Variants in TBC1D22A observed in about 807,000 individuals in gnomAD.
TBC1D22A encodes the protein putative GTPase activator.
TBC1D22A carries 38 observed loss-of-function variants against 60.2 expected under a neutral mutation model. The observed-to-expected ratio is 0.63, with a 90% CI of 0.49 to 0.83. The LOEUF (loss-of-function observed/expected upper bound fraction) is 0.83, where lower values mean the gene tolerates loss of function less well. Ranked by LOEUF, TBC1D22A falls within the 40% of genes least tolerant of loss-of-function variation. TBC1D22A has a pLI of 0.00. For missense variants in TBC1D22A, 628 were observed against 701.0 expected (o/e 0.90, Z 1.18); for synonymous variants, 302 against 281.7 (o/e 1.07, Z -0.72).
At chr22:47,172,221 G>A (rs764037479) in intron 12 of TBC1D22A, among the ~76,000 whole-genome samples, 2 of 152,048 alleles carry the variant, frequency 1.3e-5, no homozygotes, top group African/African-American at 2.4e-5. Context: ...AGTGAGCCTG[G>A]TGTGTCTACC....
intron 4 of TBC1D22A, among the ~76,000 whole-genome samples, chr22:46,859,030 G>T (rs1053393298): frequency 7.8e-6 from 1 of 127,420 alleles, no homozygotes; most frequent in Admixed American, 7.9e-5. Context: ...ATAGAGGTCC[G>T]CGCAGTGCTG....
chr22:46,872,303 C>T (rs2067326516), intron 4 of TBC1D22A, among the ~76,000 whole-genome samples: 1 of 152,040 alleles, frequency 6.6e-6, no homozygotes, highest in Non-Finnish European at 1.5e-5. Flanking sequence ...GTAAACACTT[C>T]TCATTTTTTT....
At chr22:46,895,941 T>G (rs2068653011) in intron 7 of TBC1D22A, among the ~76,000 whole-genome samples, 1 of 152,142 alleles carries the variant, frequency 6.6e-6, no homozygotes, top group Non-Finnish European at 1.5e-5. Flanking sequence ...CAAGATAATG[T>G]CCACAAGCTT....
chr22:46,982,142 C>T (rs764481513), intron 9 of TBC1D22A, among the ~76,000 whole-genome samples: 18 of 151,782 alleles, frequency 1.2e-4, no homozygotes, highest in Non-Finnish European at 2.1e-4. Context: ...AAAGTCTGTC[C>T]TTGTGGCCTG....
At chr22:46,832,702 T>C (rs1291173999) in intron 4 of TBC1D22A, among the ~76,000 whole-genome samples, 1 of 152,202 alleles carries the variant, frequency 6.6e-6, no homozygotes, top group East Asian at 1.9e-4. Context: ...AATAAAAATA[T>C]GTAAAATACA....
intron 12 of TBC1D22A, chr22:47,115,876 T>C (rs1601560504): frequency 6.6e-6 from 1 of 151,776 alleles, no homozygotes; most frequent in Admixed American, 6.6e-5. Context: ...CGGCTGGGGG[T>C]GTAGTTTAAG....
At chr22:47,011,172 G>A (rs1275444279) in intron 10 of TBC1D22A, among the ~76,000 whole-genome samples, 3 of 152,156 alleles carry the variant, frequency 2.0e-5, no homozygotes, top group African/African-American at 4.8e-5. Flanking sequence ...TCCTGGGTTG[G>A]TGCACAGGAG....
intron 11 of TBC1D22A, among the ~76,000 whole-genome samples, chr22:47,095,950 G>C (rs1161099111): frequency 6.6e-6 from 1 of 152,252 alleles, no homozygotes; most frequent in African/African-American, 2.4e-5. Context: ...GAGTCATATG[G>C]ATGAGAGGTG....
intron 11 of TBC1D22A, among the ~76,000 whole-genome samples, chr22:47,039,935 C>CTT (rs570751261): frequency 0.031 from 2,372 of 77,206 alleles, 438 homozygotes; most frequent in Non-Finnish European, 0.038. Context: ...GTGCCACAGC[C>CTT]TTTTTTTTTT....
chr22:46,878,847 A>G, intron 5 of TBC1D22A, 124 bp downstream of exon 5: 1 of 768,180 alleles, frequency 1.3e-6, no homozygotes, highest in East Asian at 2.5e-5. Flanking sequence ...GCAGTGATAA[A>G]GGCCTTTGCT....
chr22:46,851,553 G>A lies in TBC1D22A; in HGVS notation c.638-27100G>A, dbSNP rs1169449937. 2.6e-5 allele frequency among the ~76,000 whole-genome samples: 4 copies of A among 152,258 alleles called. No individual in the cohort carries two copies. In the East Asian group the frequency reaches 7.7e-4, roughly 29 times the overall value. On this transcript the variant is annotated intron_variant, in intron 4 of 12. Coordinates refer to ENST00000337137, the MANE Select transcript of TBC1D22A (RefSeq NM_014346.5). The stretch of plus-strand genomic sequence containing the variant: ...TGACCCAGTTTGTTTGAAACGGTTT[G>A]CCTTGGCGCTCTTGCCTGGTCCTGG...
intron 12 of TBC1D22A, among the ~76,000 whole-genome samples, chr22:47,144,520 T>C (rs1009801170): frequency 1.3e-5 from 2 of 152,224 alleles, no homozygotes; most frequent in Admixed American, 1.3e-4. Flanking sequence ...GCCCCTGTGC[T>C]TACTGAGCCC....
chr22:47,137,977 G>A (rs2066936147), intron 12 of TBC1D22A, among the ~76,000 whole-genome samples: 1 of 152,106 alleles, frequency 6.6e-6, no homozygotes, highest in African/African-American at 2.4e-5. Context: ...GATGTTACTG[G>A]CACCCCCTCT....
At chr22:47,085,829 C>T (rs542131814) in intron 11 of TBC1D22A, among the ~76,000 whole-genome samples, 31 of 152,178 alleles carry the variant, frequency 2.0e-4, no homozygotes, top group African/African-American at 6.5e-4. Flanking sequence ...ATTTGTTCAC[C>T]GGGAATCCAG....
At chr22:46,878,397 T>C (rs552876280) in intron 4 of TBC1D22A, among the ~76,000 whole-genome samples, 2 of 21,752 alleles carry the variant, frequency 9.2e-5, no homozygotes, top group South Asian at 1.4e-3. Context: ...GAAGGGATCA[T>C]GGGGCCTCAC....
chr22:46,965,658 T>A (rs1344371580), intron 8 of TBC1D22A, among the ~76,000 whole-genome samples: 1 of 152,230 alleles, frequency 6.6e-6, no homozygotes, highest in African/African-American at 2.4e-5. Flanking sequence ...CTGAATTTAT[T>A]TAGTAACTAA....
intron 2 of TBC1D22A, chr22:46,792,901 C>A: frequency 7.1e-7 from 1 of 1,403,792 alleles, no homozygotes; most frequent in Non-Finnish European, 9.3e-7. Flanking sequence ...TCCCCTCCTC[C>A]TTCCCGCATT....
chr22:46,841,412 A>G (rs748453690), intron 4 of TBC1D22A, among the ~76,000 whole-genome samples: 2 of 152,252 alleles, frequency 1.3e-5, no homozygotes, highest in Admixed American at 6.5e-5. Context: ...TTCACCCTCC[A>G]GAATCGTGAG....
chr22:46,928,259 A>G (rs2071162714), intron 8 of TBC1D22A, among the ~76,000 whole-genome samples: 1 of 152,264 alleles, frequency 6.6e-6, no homozygotes, highest in South Asian at 2.1e-4. Context: ...TTGAGAGGCC[A>G]AAGATAAACC....
Sources: gnomAD v4.1 joint callset for allele counts (sites outside exome capture counted in the v4.1 genomes callset) on GRCh38, gnomAD v4.1.1 for gene constraint, MANE v1.5 for transcripts, NCBI Gene and HGNC (gene_info 2026-07-23, HGNC 2026-07-21) for gene names.